CFLAR: variants seen among roughly 807,000 people sequenced by gnomAD.
CFLAR encodes CASP8 and FADD-like apoptosis regulator.
A neutral mutation model predicts 51.1 loss-of-function variants in CFLAR; 14 were observed. The observed-to-expected ratio is 0.27, with a 90% CI of 0.18 to 0.43. The LOEUF (loss-of-function observed/expected upper bound fraction) is 0.43, where lower values mean the gene tolerates loss of function less well. Ranked by LOEUF, CFLAR falls within the 20% of genes least tolerant of loss-of-function variation. The pLI is 1.00. For missense variants in CFLAR, 390 were observed against 566.5 expected, an observed-to-expected ratio of 0.69 and a Z score of 3.16; for synonymous variants, 210 against 211.6, an observed-to-expected ratio of 0.99 and a Z score of 0.06.
At chr2:201,143,780 G>A (rs1042178908) in intron 5 of CFLAR, among the ~76,000 whole-genome samples, 1 of 152,024 alleles carries the variant, frequency 6.6e-6, no homozygotes, top group Non-Finnish European at 1.5e-5. Context: ...TGGCCAAGAT[G>A]GTGAAACCCT....
At position 201,167,572 on chromosome 2, in the gene CFLAR, T is replaced by C. The variant is rs142729635; in HGVS notation, c.*3599T>C. 1.3e-5 allele frequency: 2 copies of C among 152,312 alleles called. No individual in the cohort carries two copies. The highest frequency in any genetic ancestry group is 3.9e-4 in the East Asian group (2 of 5,192). 9.4% of individuals were successfully genotyped at this position (152,312 alleles called of 1,614,324 possible). On this transcript the variant is annotated 3_prime_UTR_variant, in exon 10 of 10. Coordinates refer to ENST00000309955, the MANE Select transcript of CFLAR (RefSeq NM_003879.7). ...AACAAAAAGTTATTTTGTACTTGTT[T>C]TGAGCACAGGACTCCTGAGGGTATC...
In CFLAR at chr2:201,163,840, G is replaced by T. The variant is rs371340033; in HGVS notation, c.1310G>T (p.Arg437Leu). The T allele has an allele frequency of 1.9e-6, 3 of 1,602,652 alleles. No individual in the cohort carries two copies. The highest frequency in any genetic ancestry group is 1.3e-5 in the African/African-American group (1 of 74,172). Residue 437 changes from arginine to leucine, a missense_variant, in exon 10 of 10, where the codon CGC becomes CTC. Transcript: ENST00000309955. Reference protein sequence around the residue: ...LSQKLRQERKRPLLDLHIELN... With the variant: ...LSQKLRQERKLPLLDLHIELN... ...GCCTTTCTTGTTTTCTCCAGAAAAC[G>T]CCCACTCCTGGATCTTCACATTGAA...
Position 201,149,105 on chromosome 2 carries a change from C to T in CFLAR, c.711+53C>T, listed in dbSNP as rs141239074. ...TTATATGTACATAGCTGTGGATAAC[C>T]CTGACTTCTTTAAAAATACCTGTCC... On this transcript the variant is annotated intron_variant, in intron 7 of 9. Transcript: ENST00000309955. The T allele has an allele frequency of 1.0e-3, 1,250 of 1,206,184 alleles. 9 individuals are homozygous for T. The African/African-American group carries it at 0.012, about 11-fold the overall frequency. 74.7% of individuals were successfully genotyped at this position (1,206,184 alleles called of 1,614,324 possible).
intron 6 of CFLAR, among the ~76,000 whole-genome samples, chr2:201,148,060 T>C (rs1020422146): frequency 3.9e-5 from 6 of 152,152 alleles, no homozygotes; most frequent in Non-Finnish European, 7.4e-5. Context: ...CTTTGTTTGT[T>C]TGTTTGTTCT....
chr2:201,176,645 T>G lies in CFLAR; in HGVS notation c.*12672T>G, dbSNP rs1285082831. Reference sequence around the variant, plus strand: ...AGTGAAAGGCCTTTCTGCGTTTATCTTACCTTTTTTGAGCAGCATTAAAAC... The same window carrying G: ...AGTGAAAGGCCTTTCTGCGTTTATCGTACCTTTTTTGAGCAGCATTAAAAC... On this transcript the variant is annotated 3_prime_UTR_variant, in exon 10 of 10. Transcript: ENST00000309955. The G allele has an allele frequency of 2.0e-5, 3 of 152,106 alleles. No homozygotes were observed. Among genetic ancestry groups the G allele is most frequent in the Admixed American group, 6.6e-5 (1 of 15,266 alleles). 9.4% of individuals were successfully genotyped at this position (152,106 alleles called of 1,614,324 possible). A position where few individuals can be genotyped will look rare whatever the true frequency, so the allele number is the denominator to read the frequency against.
intron 9 of CFLAR, chr2:201,163,223 A>G (rs1369014702): frequency 7.8e-7 from 1 of 1,287,920 alleles, no homozygotes; most frequent in Admixed American, 3.6e-5. Flanking sequence ...GCTTTGTTAT[A>G]TAAACATTTT....
chr2:201,174,858 T>G lies in CFLAR; in HGVS notation c.*10885T>G, dbSNP rs1428496466. 1 of 152,214 alleles carries G rather than the reference T, an allele frequency of 6.6e-6. No individual in the cohort carries two copies. Among genetic ancestry groups the G allele is most frequent in the African/African-American group, 2.4e-5 (1 of 41,446 alleles). 9.4% of individuals were successfully genotyped at this position (152,214 alleles called of 1,614,324 possible). A position where few individuals can be genotyped will look rare whatever the true frequency, so the allele number is the denominator to read the frequency against. ...AAGACCACAAGACCCTGTAAGACCC[T>G]GCTGATAAGACAGGATGTGGTAGAA... On this transcript the variant is annotated 3_prime_UTR_variant, in exon 10 of 10. Transcript: ENST00000309955.
intron 5 of CFLAR, among the ~76,000 whole-genome samples, chr2:201,143,795 C>T (rs949109084): frequency 6.6e-6 from 1 of 151,838 alleles, no homozygotes; most frequent in Non-Finnish European, 1.5e-5. Context: ...AACCCTGTCT[C>T]TACTAAAACT....
At position 201,135,568 on chromosome 2, in the gene CFLAR, T is replaced by C. The variant is rs574247516; in HGVS notation, c.388-404T>C. ...AAGGTCACTGAAAGGGCTCATCTTG[T>C]CACATTTTCTTACTGCTATAAATCA... On this transcript the variant is annotated intron_variant, in intron 3 of 9. Transcript: ENST00000309955. 2.0e-5 allele frequency among the ~76,000 whole-genome samples: 3 copies of C among 152,282 alleles called. No individual in the cohort carries two copies. In the East Asian group the frequency reaches 5.8e-4, roughly 29 times the overall value.
At chr2:201,132,559 G>A (rs2049472270) in intron 2 of CFLAR, among the ~76,000 whole-genome samples, 1 of 151,870 alleles carries the variant, frequency 6.6e-6, no homozygotes, top group Admixed American at 6.6e-5. Context: ...GAGTTCAGAG[G>A]TGGGCCAGGG....
At chr2:201,156,966 T>C (rs1412074109) in intron 8 of CFLAR, among the ~76,000 whole-genome samples, 1 of 152,222 alleles carries the variant, frequency 6.6e-6, no homozygotes, top group African/African-American at 2.4e-5. Context: ...GAGCCCATTT[T>C]AGTTTAGAAT....
rs1263577495 is a variant in CFLAR, at chr2:201,168,650, G to A, written c.*4677G>A. 6.7e-6 allele frequency: 1 copy of A among 149,754 alleles called. No individual in the cohort carries two copies. Among genetic ancestry groups the A allele is most frequent in the Non-Finnish European group, 1.5e-5 (1 of 67,510 alleles). The allele number at this position is 149,754 out of a possible 1,614,324, so 9.3% of individuals were successfully genotyped here. ...ATCAGGCAAGAGAAACAAATAAGGG[G>A]TATTCAAATAGGAAAAGAGGAAGTA... On this transcript the variant is annotated 3_prime_UTR_variant, in exon 10 of 10. Transcript: ENST00000309955.
intron 1 of CFLAR, among the ~76,000 whole-genome samples, chr2:201,125,477 G>A (rs2048588467): frequency 6.6e-6 from 1 of 152,094 alleles, no homozygotes. Flanking sequence ...TGGAGGTAGA[G>A]AGGATGAAGA....
chr2:201,117,503 A>T (rs2047723193), intron 1 of CFLAR, among the ~76,000 whole-genome samples: 1 of 152,172 alleles, frequency 6.6e-6, no homozygotes, highest in African/African-American at 2.4e-5. Flanking sequence ...TGACATTTGA[A>T]ATTTGTTCTT....
rs561568592 is a variant in CFLAR at position 201,132,426 on chromosome 2, G to GAAAA, written c.282-601_282-598dup. 2.1e-3 allele frequency among the ~76,000 whole-genome samples: 285 copies of GAAAA among 137,970 alleles called. 3 individuals carry two copies. The highest frequency in any genetic ancestry group is 7.6e-3 in the African/African-American group (271 of 35,874). 90.5% of individuals were successfully genotyped at this position (137,970 alleles called of 152,430 possible). ...TCTCAAAGTCTATTTCCTAGGGGGGGAAAAATATATATATATATATATATA... is the reference window on the plus strand; with the variant it reads ...TCTCAAAGTCTATTTCCTAGGGGGGGAAAAAAAAATATATATATATATATATATA... On this transcript the variant is annotated intron_variant, in intron 2 of 9. Coordinates refer to ENST00000309955, the MANE Select transcript of CFLAR (RefSeq NM_003879.7).
chr2:201,138,384 C>G lies in CFLAR; in HGVS notation c.524-1973C>G. ...ACAGGGTAGTCTCGGTTCTTCAGCG[C>G]GGTGCAGGTGATAATGGCCACCAGC... On this transcript the variant is annotated intron_variant, in intron 4 of 9. Coordinates refer to ENST00000309955, the MANE Select transcript of CFLAR (RefSeq NM_003879.7). The surrounding 1 kb of genome is among the most constrained non-coding windows in gnomAD (Gnocchi z 4.0). 1.3e-6 allele frequency: 1 copy of G among 774,066 alleles called. No homozygotes were observed. Among genetic ancestry groups the G allele is most frequent in the Admixed American group, 1.7e-5 (1 of 58,694 alleles). The allele number at this position is 774,066 out of a possible 1,614,324, so 47.9% of individuals were successfully genotyped here.
chr2:201,138,201 G>T lies in CFLAR; in HGVS notation c.523+2094G>T. 1 of 985,258 alleles carries T rather than the reference G, an allele frequency of 1.0e-6. No individual in the cohort carries two copies. The highest frequency in any genetic ancestry group is 1.6e-6 in the Non-Finnish European group (1 of 611,498). The allele number at this position is 985,258 out of a possible 1,614,324, so 61.0% of individuals were successfully genotyped here. A position where few individuals can be genotyped will look rare whatever the true frequency, so the allele number is the denominator to read the frequency against. On this transcript the variant is annotated intron_variant, in intron 4 of 9. Transcript: ENST00000309955. The surrounding 1 kb of genome is among the most constrained non-coding windows in gnomAD (Gnocchi z 4.0). ...TGGGGTTACTTTTGTTTGATGTAAT[G>T]CACCATGGCGATCTGATACACCGAG... is the stretch of plus-strand genomic sequence containing the variant.
chr2:201,136,388 G>A, intron 4 of CFLAR: 1 of 1,598,406 alleles, frequency 6.3e-7, no homozygotes, highest in Non-Finnish European at 8.5e-7. Flanking sequence ...GCACAGGCTG[G>A]CAGAGCTATG....
chr2:201,139,940 A>T, intron 4 of CFLAR: 1 of 182,116 alleles, frequency 5.5e-6, no homozygotes, highest in South Asian at 7.6e-5. Context: ...AAAAACCCAC[A>T]GGTGTGGAGG....
Sources: gnomAD v4.1 joint callset for allele counts (sites outside exome capture counted in the v4.1 genomes callset) on GRCh38, gnomAD v4.1.1 for gene constraint, Gnocchi (gnomAD v3.1) non-coding constraint, MANE v1.5 for transcripts, NCBI Gene and HGNC (gene_info 2026-07-23, HGNC 2026-07-21) for gene names.